SERGEF: variants seen among roughly 807,000 people sequenced by gnomAD.
The protein encoded by SERGEF is secretion regulating guanine nucleotide exchange factor, also known as secretion-regulating guanine nucleotide exchange factor.
In SERGEF, 51 loss-of-function variants were observed where a neutral mutation model predicts 50.0. The ratio of observed to expected loss-of-function variants is 1.02; its 90% CI spans 0.81 to 1.29. The LOEUF is 1.29. Among genes scored for constraint, SERGEF ranks in the 50% most tolerant of loss-of-function variants. The pLI, the probability that SERGEF is intolerant of heterozygous loss-of-function variation, is 0.00. For missense variants in SERGEF, 521 were observed against 557.0 expected, an observed-to-expected ratio of 0.94 and a Z score of 0.65; for synonymous variants, 205 against 212.4, an observed-to-expected ratio of 0.97 and a Z score of 0.30.
intron 10 of SERGEF, among the ~76,000 whole-genome samples, chr11:17,812,848 G>T (rs1317085846): frequency 6.6e-6 from 1 of 152,172 alleles, no homozygotes; most frequent in Non-Finnish European, 1.5e-5. Flanking sequence ...ATGTTAATCT[G>T]AGTAGCTGGA....
chr11:17,996,866 G>A (rs1853847656), intron 5 of SERGEF, among the ~76,000 whole-genome samples: 1 of 151,626 alleles, frequency 6.6e-6, no homozygotes, highest in Non-Finnish European at 1.5e-5. Context: ...TAGCTGACAG[G>A]AGATGAATAT....
At chr11:17,896,829 CGGAAGGGTAAG>C (rs1851649023) in intron 9 of SERGEF, among the ~76,000 whole-genome samples, 1 of 32,582 alleles carries the variant, frequency 3.1e-5, no homozygotes, top group Non-Finnish European at 6.1e-5. Context: ...GGAAGGGTAA[CGGAAGGGTAAG>C]GGAAGGGAAG....
At chr11:17,968,208 G>A (rs1853167917) in intron 8 of SERGEF, among the ~76,000 whole-genome samples, 1 of 152,126 alleles carries the variant, frequency 6.6e-6, no homozygotes, top group Admixed American at 6.5e-5. Flanking sequence ...GGAATTGTAG[G>A]TATTGCTGTT....
intron 8 of SERGEF, among the ~76,000 whole-genome samples, chr11:17,965,477 C>G (rs990588740): frequency 6.6e-5 from 10 of 152,208 alleles, no homozygotes; most frequent in Admixed American, 5.9e-4. Flanking sequence ...TTCACCTAGT[C>G]AACTCCTACT....
At chr11:17,839,654 T>C (rs1296967232) in intron 10 of SERGEF, among the ~76,000 whole-genome samples, 2 of 152,106 alleles carry the variant, frequency 1.3e-5, no homozygotes, top group African/African-American at 4.8e-5. Context: ...ATGAATGTTC[T>C]CCCTGTGCAG....
At chr11:18,012,895 T>A in intron 1 of SERGEF, 56 bp downstream of exon 1, 2 of 1,533,332 alleles carry the variant, frequency 1.3e-6, no homozygotes, top group Non-Finnish European at 1.7e-6. Context: ...GGCCAGCAGC[T>A]CCCACATCTC....
chr11:17,972,062 G>A (rs535527114), intron 8 of SERGEF, among the ~76,000 whole-genome samples: 1 of 152,344 alleles, frequency 6.6e-6, no homozygotes, highest in South Asian at 2.1e-4. Flanking sequence ...GCAATCTCAT[G>A]ATCAAACTTG....
rs1849423731 is a variant in SERGEF at position 17,788,334 on chromosome 11, C to A, written c.1128G>T (p.Lys376Asn). ...ACGATGACAGCAGAGCCTGCACCGG[C>A]TTTGGGGCCCAGACGTTGGCTTCAG... ...DGTEANVWAP[K>N]PVQALLSSSG... Residue 376 changes from lysine (K) to asparagine (N), a missense_variant, in exon 11 of 11, where the codon AAG becomes AAT. By Grantham distance (94) the Lys-to-Asn change is moderately conservative. Coordinates refer to ENST00000265965, the MANE Select transcript of SERGEF (RefSeq NM_012139.4). The A allele has an allele frequency of 6.2e-7, 1 of 1,614,164 alleles. No homozygotes were observed. The highest frequency in any genetic ancestry group is 8.5e-7 in the Non-Finnish European group (1 of 1,180,002).
chr11:17,800,738 G>A (rs1849653557), intron 10 of SERGEF, among the ~76,000 whole-genome samples: 1 of 152,168 alleles, frequency 6.6e-6, no homozygotes, highest in South Asian at 2.1e-4. Flanking sequence ...CGACCTGTAG[G>A]ACAAGAAGGA....
chr11:17,799,768 C>A (rs1849632771), intron 10 of SERGEF, among the ~76,000 whole-genome samples: 1 of 152,202 alleles, frequency 6.6e-6, no homozygotes, highest in African/African-American at 2.4e-5. Flanking sequence ...AGACAGAATT[C>A]TCCCTAGAAG....
At chr11:17,963,743 T>TA (rs1565216868) in intron 8 of SERGEF, among the ~76,000 whole-genome samples, 1 of 152,118 alleles carries the variant, frequency 6.6e-6, no homozygotes, top group Admixed American at 6.5e-5. Flanking sequence ...ATTTATTTAT[T>TA]AAAGTATGTA....
At chr11:17,983,202 C>G (rs756080057) in intron 8 of SERGEF, among the ~76,000 whole-genome samples, 2 of 152,228 alleles carry the variant, frequency 1.3e-5, no homozygotes, top group Non-Finnish European at 2.9e-5. Flanking sequence ...CAACTGGATT[C>G]TAGACATTCT....
chr11:17,841,377 A>T (rs1015568806), intron 10 of SERGEF, among the ~76,000 whole-genome samples: 1 of 152,146 alleles, frequency 6.6e-6, no homozygotes, highest in Non-Finnish European at 1.5e-5. Context: ...GCACCCAGAA[A>T]CCTGGGGCTT....
chr11:18,012,412 C>T, intron 1 of SERGEF: 1 of 866,872 alleles, frequency 1.2e-6, no homozygotes, highest in South Asian at 4.4e-5. Context: ...AGCCCAACTC[C>T]CCCAACACAT....
At chr11:18,008,198 T>C in intron 1 of SERGEF, 122 bp from the exon 2 acceptor site, 1 of 994,152 alleles carries the variant, frequency 1.0e-6, no homozygotes, top group East Asian at 2.6e-5. Flanking sequence ...TGAGATTTAT[T>C]AGGCTCATTC....
At chr11:17,882,832 G>C (rs749025375) in intron 9 of SERGEF, among the ~76,000 whole-genome samples, 173 of 152,264 alleles carry the variant, frequency 1.1e-3, no homozygotes, top group Non-Finnish European at 2.1e-3. Flanking sequence ...AAGATGCTGG[G>C]GGCACTGAAA....
chr11:17,831,409 A>G (rs1850306788), intron 10 of SERGEF, among the ~76,000 whole-genome samples: 1 of 152,178 alleles, frequency 6.6e-6, no homozygotes, highest in Non-Finnish European at 1.5e-5. Context: ...ACAGGATGGG[A>G]GGCAAGTCAC....
chr11:17,961,139 A>G (rs773999849), intron 8 of SERGEF, among the ~76,000 whole-genome samples: 1 of 152,194 alleles, frequency 6.6e-6, no homozygotes, highest in Non-Finnish European at 1.5e-5. Context: ...GGCAGGTGAA[A>G]AAAATTAAGG....
chr11:18,012,767 C>T, intron 1 of SERGEF, 184 bp downstream of exon 1: 1 of 1,439,688 alleles, frequency 6.9e-7, no homozygotes, highest in Non-Finnish European at 9.3e-7. Context: ...CCGCGAAGAC[C>T]CTTCCTTCCC....
Sources: gnomAD v4.1 joint callset for allele counts (sites outside exome capture counted in the v4.1 genomes callset) on GRCh38, gnomAD v4.1.1 for gene constraint, MANE v1.5 for transcripts, NCBI Gene and HGNC (gene_info 2026-07-23, HGNC 2026-07-21) for gene names.